The following LGSN variants were observed in gnomAD, a reference collection of about 807,000 sequenced individuals.
LGSN encodes lengsin.
Under a neutral mutation model 19.5 loss-of-function variants are expected in LGSN, and 21 were observed. That is an observed-to-expected ratio of 1.07 (90% CI 0.76 to 1.55). The LOEUF (loss-of-function observed/expected upper bound fraction) is 1.55. LGSN is among the 40% of genes most tolerant of loss of function. The pLI is 0.00. For synonymous variants in LGSN, 257 were observed against 215.6 expected (o/e 1.19, Z -1.68); for missense variants, 673 against 608.5 (o/e 1.11, Z -1.12).
At chr6:63,332,359 A>C in the LGSN span, among the ~76,000 whole-genome samples, 1 of 152,144 alleles carries the variant, frequency 6.6e-6, no homozygotes, top group Admixed American at 6.6e-5. Flanking sequence ...ATTGGGACCC[A>C]GGGGGCAAGG....
the LGSN span, among the ~76,000 whole-genome samples, chr6:63,563,460 T>C: frequency 1.3e-5 from 2 of 152,186 alleles, no homozygotes; most frequent in African/African-American, 4.8e-5. Context: ...TTCATTCTCA[T>C]CATTTAGATC....
At chr6:63,425,976 C>T in the LGSN span, among the ~76,000 whole-genome samples, 1 of 152,030 alleles carries the variant, frequency 6.6e-6, no homozygotes, top group Non-Finnish European at 1.5e-5. Context: ...TACACAAGAT[C>T]TGTCTCTGTA....
the LGSN span, among the ~76,000 whole-genome samples, chr6:63,381,428 C>T: frequency 6.6e-6 from 1 of 152,270 alleles, no homozygotes; most frequent in African/African-American, 2.4e-5. Context: ...GACCTTGGTA[C>T]TGAAAGAAAA....
rs370906253 is a variant in LGSN, at chr6:63,294,664, CT to C, written c.163+248del. On this transcript the variant is annotated intron_variant, in intron 2 of 3. Coordinates refer to ENST00000370657, the MANE Select transcript of LGSN (RefSeq NM_016571.3). ...CTACTCATACATTCCTCTGTTTGTT[CT>C]TTTTTTTTTCTACTACTGTCATCCT... Among the ~76,000 whole-genome samples the C allele has an allele frequency of 5.1e-4, 76 of 148,746 alleles. No homozygotes were observed. The East Asian group carries it at 0.013, about 25-fold the overall frequency.
At chr6:63,345,103 T>A in the LGSN span, among the ~76,000 whole-genome samples, 3 of 150,964 alleles carry the variant, frequency 2.0e-5, no homozygotes, top group Admixed American at 6.6e-5. Flanking sequence ...GACACCATTA[T>A]CCCACAAAAA....
chr6:63,347,887 T>G, the LGSN span, among the ~76,000 whole-genome samples: 40 of 152,294 alleles, frequency 2.6e-4, no homozygotes, highest in African/African-American at 9.4e-4. Flanking sequence ...GCAGAGTCCA[T>G]TAGTCAGGAA....
At chr6:63,470,751 A>G in the LGSN span, among the ~76,000 whole-genome samples, 1 of 152,120 alleles carries the variant, frequency 6.6e-6, no homozygotes, top group Admixed American at 6.5e-5. Context: ...CTTTGAGGTC[A>G]TCCTTAGTAG....
the LGSN span, among the ~76,000 whole-genome samples, chr6:63,361,373 G>C: frequency 6.6e-6 from 1 of 152,278 alleles, no homozygotes; most frequent in Non-Finnish European, 1.5e-5. Context: ...CCCTCCCTCA[G>C]CCTCACTGCC....
chr6:63,445,356 G>A, the LGSN span, among the ~76,000 whole-genome samples: 7 of 151,432 alleles, frequency 4.6e-5, no homozygotes, highest in East Asian at 2.0e-4. Context: ...GGTGGCTCAC[G>A]CCTGTAATCT....
At chr6:63,415,098 A>G in the LGSN span, among the ~76,000 whole-genome samples, 2 of 151,972 alleles carry the variant, frequency 1.3e-5, no homozygotes, top group Admixed American at 1.3e-4. Flanking sequence ...CAGGTGGATC[A>G]CCTAGGAGGT....
At chr6:63,481,870 A>G in the LGSN span, 18 of 244,144 alleles carry the variant, frequency 7.4e-5, no homozygotes, top group Non-Finnish European at 1.3e-4. Context: ...GGCTGCGTTC[A>G]ACAAGATCTT....
chr6:63,390,632 G>A, the LGSN span, among the ~76,000 whole-genome samples: 13 of 151,168 alleles, frequency 8.6e-5, no homozygotes, highest in African/African-American at 2.7e-4. Context: ...CGAGGCGGGC[G>A]GATCACGAGG....
the LGSN span, among the ~76,000 whole-genome samples, chr6:63,505,629 G>GAAATAAATAAATAAATAAAT: frequency 1.8e-4 from 16 of 87,906 alleles, 3 homozygotes; most frequent in South Asian, 8.0e-4. Flanking sequence ...AAGAAAGAAA[G>GAAATAAATAAATAAATAAAT]AAAGAAATTC....
the LGSN span, among the ~76,000 whole-genome samples, chr6:63,365,610 C>T: frequency 8.5e-6 from 1 of 118,154 alleles, no homozygotes. Context: ...ATCCTGATAC[C>T]AAAGTCTGGC....
chr6:63,456,953 C>G, the LGSN span, among the ~76,000 whole-genome samples: 1 of 152,200 alleles, frequency 6.6e-6, no homozygotes, highest in Non-Finnish European at 1.5e-5. Flanking sequence ...TCCTGAACCT[C>G]TACCCATTTC....
chr6:63,436,532 C>G, the LGSN span, among the ~76,000 whole-genome samples: 20 of 152,296 alleles, frequency 1.3e-4, no homozygotes, highest in Non-Finnish European at 2.6e-4. Context: ...TGACCAGGAA[C>G]CCTCCACCCC....
the LGSN span, among the ~76,000 whole-genome samples, chr6:63,500,561 G>T: frequency 2.7e-5 from 4 of 150,340 alleles, no homozygotes; most frequent in East Asian, 2.0e-4. Flanking sequence ...AGCTGGGATT[G>T]CAGGCATGCA....
chr6:63,413,011 C>A, the LGSN span, among the ~76,000 whole-genome samples: 1 of 152,052 alleles, frequency 6.6e-6, no homozygotes, highest in Non-Finnish European at 1.5e-5. Context: ...ATCATAAAAT[C>A]ATGTGCTAAA....
At chr6:63,404,975 T>G in the LGSN span, among the ~76,000 whole-genome samples, 16 of 106,278 alleles carry the variant, frequency 1.5e-4, no homozygotes, top group South Asian at 5.6e-3. Flanking sequence ...CCCACAACAG[T>G]CCCCAGAGTG....
Sources: allele counts gnomAD v4.1 joint callset (sites outside exome capture counted in the v4.1 genomes callset), GRCh38; gene constraint gnomAD v4.1.1; transcripts MANE v1.5; gene names NCBI Gene and HGNC (gene_info 2026-07-23, HGNC 2026-07-21).